The following PAFAH1B1 variants were observed in gnomAD, a reference collection of about 807,000 sequenced individuals.
The protein encoded by PAFAH1B1 is platelet activating factor acetylhydrolase 1b regulatory subunit 1, also known as platelet-activating factor acetylhydrolase IB subunit beta.
PAFAH1B1 carries 2 observed loss-of-function variants against 57.5 expected under a neutral mutation model. The ratio of observed to expected loss-of-function variants is 0.03; its 90% CI spans 0.01 to 0.11. The LOEUF is 0.11. PAFAH1B1 is among the 10% of genes least tolerant of loss of function. PAFAH1B1 has a pLI of 1.00. For missense variants in PAFAH1B1, 257 were observed against 512.0 expected (o/e 0.50, Z 4.81); for synonymous variants, 152 against 169.6 (o/e 0.90, Z 0.81).
intron 10 of PAFAH1B1, 124 bp downstream of exon 10, chr17:2,680,444 G>A (rs2069364733): frequency 1.2e-6 from 1 of 865,558 alleles, no homozygotes; most frequent in Non-Finnish European, 2.0e-6. Flanking sequence ...GAATAGAGAA[G>A]ACATGAAAAT....
At chr17:2,641,702 A>T (rs563157214) in intron 2 of PAFAH1B1, 21 of 152,288 alleles carry the variant, frequency 1.4e-4, no homozygotes, top group African/African-American at 5.1e-4. Context: ...CTCTTTCTCC[A>T]ACAAGCTTTG....
Position 2,666,069 on chromosome 17 carries a change from T to G in PAFAH1B1, c.171T>G (p.Ser57=), listed in dbSNP as rs765448987. ...YAGLLEKKWT[S]VIRLQKKVME... ...GTCTTTTGGAAAAAAAATGGACATC[T>G]GTTATTAGATTACAAAAGAAGGTAA... The change falls in exon 4 of 11, where the codon TCT becomes TCG. Residue 57 remains serine, a synonymous_variant. Transcript: ENST00000397195. 3 of 1,516,154 alleles carry G rather than the reference T, an allele frequency of 2.0e-6. No individual in the cohort carries two copies. The Middle Eastern group carries it at 6.7e-4, about 341-fold the overall frequency. 93.9% of individuals were successfully genotyped at this position (1,516,154 alleles called of 1,614,324 possible).
At chr17:2,645,529 G>T (rs1010348760) in intron 2 of PAFAH1B1, among the ~76,000 whole-genome samples, 1 of 151,110 alleles carries the variant, frequency 6.6e-6, no homozygotes, top group Admixed American at 6.6e-5. Flanking sequence ...GGAGGCAGAG[G>T]TTGCAGTGAG....
intron 5 of PAFAH1B1, 114 bp downstream of exon 5, chr17:2,667,312 C>T (rs533263319): frequency 1.7e-5 from 13 of 746,488 alleles, no homozygotes; most frequent in South Asian, 8.6e-5. Context: ...CCAGCCTGGG[C>T]GACAGAGCCA....
chr17:2,650,109 G>A (rs994088527), intron 2 of PAFAH1B1, among the ~76,000 whole-genome samples: 1 of 152,208 alleles, frequency 6.6e-6, no homozygotes, highest in South Asian at 2.1e-4. Context: ...AACAGGCCAG[G>A]CACTGTGGCT....
rs114673645 is a variant in PAFAH1B1 at position 2,607,244 on chromosome 17, G to A, written c.-191+13238G>A. Among the ~76,000 whole-genome samples the A allele has an allele frequency of 6.4e-3, 973 of 152,054 alleles. 13 individuals carry two copies. Among genetic ancestry groups the A allele is most frequent in the African/African-American group, 0.022 (927 of 41,482 alleles). On this transcript the variant is annotated intron_variant, in intron 1 of 10. Coordinates refer to ENST00000397195, the MANE Select transcript of PAFAH1B1 (RefSeq NM_000430.4). ...AGTGGAGTGCAGTGGTGTAATATCC[G>A]CTCACTGCAACCTCGGCCTCCAGGG...
intron 2 of PAFAH1B1, among the ~76,000 whole-genome samples, chr17:2,645,012 C>T (rs191582010): frequency 4.0e-5 from 6 of 151,754 alleles, no homozygotes; most frequent in South Asian, 2.1e-4. Context: ...TTTGGGAGGC[C>T]GAAGTGAGAG....
In PAFAH1B1 at chr17:2,632,393, G is replaced by A. The variant is rs567092520; in HGVS notation, c.-190-5706G>A. ...TTGTCTAACTCTAGATCTAAATTAA[G>A]TCTATAAATTGCTATTGGTTGATAT... On this transcript the variant is annotated intron_variant, in intron 1 of 10. Coordinates refer to ENST00000397195, the MANE Select transcript of PAFAH1B1 (RefSeq NM_000430.4). Among the ~76,000 whole-genome samples, 10 of 152,324 alleles carry A rather than the reference G, an allele frequency of 6.6e-5. 1 individual carries two copies. The South Asian group carries it at 1.9e-3, about 28-fold the overall frequency.
chr17:2,675,471 C>G (rs2069247777), intron 8 of PAFAH1B1, among the ~76,000 whole-genome samples: 1 of 152,070 alleles, frequency 6.6e-6, no homozygotes, highest in Non-Finnish European at 1.5e-5. Flanking sequence ...TTTTGAGATT[C>G]TGTTTACTGC....
intron 2 of PAFAH1B1, among the ~76,000 whole-genome samples, chr17:2,654,087 G>A (rs972013343): frequency 2.6e-5 from 4 of 151,758 alleles, no homozygotes; most frequent in South Asian, 4.2e-4. Context: ...GATTACAGGC[G>A]TGAGCCACCA....
chr17:2,641,342 A>C (rs2068692251), intron 2 of PAFAH1B1: 1 of 152,118 alleles, frequency 6.6e-6, no homozygotes, highest in African/African-American at 2.4e-5. Flanking sequence ...TATTTTTAGT[A>C]GAGACAGGGT....
At chr17:2,668,288 C>T (rs944740964) in intron 5 of PAFAH1B1, among the ~76,000 whole-genome samples, 1 of 149,498 alleles carries the variant, frequency 6.7e-6, no homozygotes, top group Non-Finnish European at 1.5e-5. Context: ...CGCTCCACTG[C>T]ACTCCAGCCT....
At chr17:2,665,058 TCTATAGAGTG>T (rs2069087348) in intron 2 of PAFAH1B1, among the ~76,000 whole-genome samples, 1 of 152,264 alleles carries the variant, frequency 6.6e-6, no homozygotes, top group South Asian at 2.1e-4. Flanking sequence ...CATAGCTTGA[TCTATAGAGTG>T]CCTACAGCTT....
At chr17:2,614,839 CA>C (rs1266705839) in intron 1 of PAFAH1B1, among the ~76,000 whole-genome samples, 1 of 152,146 alleles carries the variant, frequency 6.6e-6, no homozygotes, top group Non-Finnish European at 1.5e-5. Context: ...CCTCCCACCT[CA>C]GCCTCCAAAG....
At chr17:2,622,536 ATGCAAGAGG>A (rs2151623964) in intron 1 of PAFAH1B1, among the ~76,000 whole-genome samples, 1 of 152,358 alleles carries the variant, frequency 6.6e-6, no homozygotes, top group African/African-American at 2.4e-5. Context: ...GGTCACGCTG[ATGCAAGAGG>A]TGGGTTCCCA....
intron 2 of PAFAH1B1, among the ~76,000 whole-genome samples, chr17:2,649,015 C>G (rs1241691699): frequency 6.6e-6 from 1 of 151,928 alleles, no homozygotes; most frequent in African/African-American, 2.4e-5. Context: ...GTGACAGCAT[C>G]TACAGAGCCA....
Position 2,685,459 on chromosome 17 carries a change from T to A in PAFAH1B1, c.*3657T>A, listed in dbSNP as rs1259507980. On this transcript the variant is annotated 3_prime_UTR_variant, in exon 11 of 11. Coordinates refer to ENST00000397195, the MANE Select transcript of PAFAH1B1 (RefSeq NM_000430.4). ...TTCACTGAAGATATTGACACAATTTTAAAAAATCAGTAAAGGAATGTATAT... is the reference window on the plus strand; with the variant it reads ...TTCACTGAAGATATTGACACAATTTAAAAAAATCAGTAAAGGAATGTATAT... 2.0e-5 allele frequency: 3 copies of A among 152,622 alleles called. No homozygotes were observed. The highest frequency in any genetic ancestry group is 7.2e-5 in the African/African-American group (3 of 41,454). The allele number at this position is 152,622 out of a possible 1,614,324, so 9.5% of individuals were successfully genotyped here.
chr17:2,679,206 G>T (rs1338132076), intron 9 of PAFAH1B1, among the ~76,000 whole-genome samples: 1 of 152,168 alleles, frequency 6.6e-6, no homozygotes, highest in East Asian at 1.9e-4. Context: ...TGCTTATGTT[G>T]TTAGATGCTC....
At chr17:2,664,665 G>GCTCGCTCTCTCTCTCTCTCTCTCTCT (rs1555526142) in intron 2 of PAFAH1B1, among the ~76,000 whole-genome samples, 4 of 86,028 alleles carry the variant, frequency 4.6e-5, no homozygotes, top group Admixed American at 1.2e-4. Context: ...TCTATCTATC[G>GCTCGCTCTCTCTCTCTCTCTCTCTCT]CTCTCTCTCT....
Sources: gnomAD v4.1 joint callset for allele counts (sites outside exome capture counted in the v4.1 genomes callset) on GRCh38, gnomAD v4.1.1 for gene constraint, MANE v1.5 for transcripts, NCBI Gene and HGNC (gene_info 2026-07-23, HGNC 2026-07-21) for gene names.